The following B3GLCT variants were observed in gnomAD, a reference collection of about 807,000 sequenced individuals.
B3GLCT encodes beta-1,3-glucosyltransferase.
In B3GLCT, 65 loss-of-function variants were observed where a neutral mutation model predicts 63.4. The observed-to-expected ratio is 1.03, with a 90% CI of 0.84 to 1.26. The LOEUF is 1.26. Among genes scored for constraint, B3GLCT ranks in the 50% most tolerant of loss-of-function variants. The probability of loss-of-function intolerance (pLI) is 0.00; values close to 1 mark genes in which losing one functional copy is unlikely to be tolerated. For missense variants in B3GLCT, 577 were observed against 604.8 expected (o/e 0.95, Z 0.48); for synonymous variants, 233 against 219.2 (o/e 1.06, Z -0.55).
At chr13:31,317,753 T>C in intron 13 of B3GLCT, 68 bp downstream of exon 13, 1 of 1,599,344 alleles carries the variant, frequency 6.3e-7, no homozygotes, top group Non-Finnish European at 8.6e-7. Flanking sequence ...GAGAGGTAGG[T>C]CTCTGGCACT....
At chr13:31,294,897 T>G (rs1464033885) in intron 12 of B3GLCT, among the ~76,000 whole-genome samples, 2 of 152,176 alleles carry the variant, frequency 1.3e-5, no homozygotes, top group African/African-American at 2.4e-5. Context: ...TTCTGGTTTT[T>G]TTTTTGGAAT....
At chr13:31,211,249 G>C (rs1420795525) in intron 1 of B3GLCT, among the ~76,000 whole-genome samples, 1 of 152,074 alleles carries the variant, frequency 6.6e-6, no homozygotes, top group Non-Finnish European at 1.5e-5. Context: ...ACAAAAATTA[G>C]CTGGGCATGG....
At chr13:31,291,459 C>G (rs1873654359) in intron 12 of B3GLCT, among the ~76,000 whole-genome samples, 2 of 152,130 alleles carry the variant, frequency 1.3e-5, no homozygotes, top group South Asian at 4.2e-4. Flanking sequence ...CTATCCATGA[C>G]CATGGAATGT....
chr13:31,262,230 G>T (rs4943290), intron 7 of B3GLCT, among the ~76,000 whole-genome samples: 55,352 of 152,068 alleles, frequency 0.36, 10,789 homozygotes, highest in East Asian at 0.72. Context: ...TGTTTACTCA[G>T]ACTTTCCAGT....
In B3GLCT at chr13:31,284,637, A is replaced by G. The variant is rs370709974; in HGVS notation, c.851-11A>G. The stretch of plus-strand genomic sequence containing the variant: ...CTGTGCCAGTGATTGTCACCTCTGT[A>G]ATTTTTTCAGTACCTATTGTTAAGC... On this transcript the variant is annotated splice_polypyrimidine_tract_variant and intron_variant, in intron 10 of 14. Coordinates refer to ENST00000343307, the MANE Select transcript of B3GLCT (RefSeq NM_194318.4). The G allele has an allele frequency of 6.8e-7, 1 of 1,477,886 alleles. No individual in the cohort carries two copies. Among genetic ancestry groups the G allele is most frequent in the Non-Finnish European group, 9.5e-7 (1 of 1,055,940 alleles). 91.5% of individuals were successfully genotyped at this position (1,477,886 alleles called of 1,614,324 possible). A position where few individuals can be genotyped will look rare whatever the true frequency, so the allele number is the denominator to read the frequency against.
chr13:31,259,004 G>A (rs191190813), intron 6 of B3GLCT, among the ~76,000 whole-genome samples: 48 of 151,436 alleles, frequency 3.2e-4, no homozygotes, highest in Middle Eastern at 3.4e-3. Context: ...ATTTTTTACC[G>A]GACTTGCTTT....
At chr13:31,268,288 G>A (rs1490723748) in intron 7 of B3GLCT, among the ~76,000 whole-genome samples, 2 of 152,122 alleles carry the variant, frequency 1.3e-5, no homozygotes, top group African/African-American at 2.4e-5. Flanking sequence ...TTCCTCCCTC[G>A]TTAGCTTTGA....
intron 10 of B3GLCT, among the ~76,000 whole-genome samples, chr13:31,277,278 C>T (rs539413229): frequency 2.3e-4 from 35 of 152,040 alleles, no homozygotes; most frequent in South Asian, 4.2e-4. Context: ...GAAAAAGCCG[C>T]GGTACAAACA....
intron 4 of B3GLCT, among the ~76,000 whole-genome samples, chr13:31,229,566 CA>C (rs1870271572): frequency 6.6e-6 from 1 of 151,958 alleles, no homozygotes; most frequent in African/African-American, 2.4e-5. Context: ...GCCAACATGG[CA>C]AAACCCCATC....
chr13:31,252,808 CAG>C (rs1384870111), intron 6 of B3GLCT, among the ~76,000 whole-genome samples: 3 of 152,160 alleles, frequency 2.0e-5, no homozygotes, highest in Non-Finnish European at 4.4e-5. Flanking sequence ...ATCAACAAGA[CAG>C]AAAATTAACA....
intron 12 of B3GLCT, among the ~76,000 whole-genome samples, chr13:31,296,702 CA>C (rs552367992): frequency 0.056 from 1,068 of 19,022 alleles, 16 homozygotes; most frequent in Middle Eastern, 0.077. Context: ...AATTATGTAA[CA>C]TTTTTTTTTT....
chr13:31,274,697 C>G, intron 9 of B3GLCT, 69 bp downstream of exon 9: 1 of 1,572,008 alleles, frequency 6.4e-7, no homozygotes, highest in Non-Finnish European at 8.8e-7. Flanking sequence ...TAATGTCATC[C>G]TAGCACTTTA....
At chr13:31,228,998 G>A (rs1466004549) in intron 3 of B3GLCT, among the ~76,000 whole-genome samples, 187 bp from the exon 4 acceptor site, 1 of 152,142 alleles carries the variant, frequency 6.6e-6, no homozygotes, top group East Asian at 1.9e-4. Flanking sequence ...CTTCTAGGAA[G>A]GAAGCTTGGG....
At chr13:31,298,267 C>T (rs146484174) in intron 12 of B3GLCT, among the ~76,000 whole-genome samples, 283 of 152,296 alleles carry the variant, frequency 1.9e-3, no homozygotes, top group African/African-American at 6.4e-3. Context: ...TTCATAATAT[C>T]ACAGCCTACC....
intron 12 of B3GLCT, among the ~76,000 whole-genome samples, chr13:31,300,665 A>G (rs538723040): frequency 2.6e-5 from 4 of 152,280 alleles, no homozygotes; most frequent in African/African-American, 7.2e-5. Flanking sequence ...GTCATGAGTC[A>G]TGGGTCTGAG....
chr13:31,261,909 C>T (rs1479992744), intron 7 of B3GLCT, among the ~76,000 whole-genome samples: 2 of 152,158 alleles, frequency 1.3e-5, no homozygotes, highest in Non-Finnish European at 2.9e-5. Flanking sequence ...AGTGTGATAC[C>T]CTCCTTTCCA....
In B3GLCT at chr13:31,237,831, C is replaced by T. The variant is rs565831781; in HGVS notation, c.270+8537C>T. Among the ~76,000 whole-genome samples the T allele has an allele frequency of 2.0e-5, 3 of 152,244 alleles. No homozygotes were observed. In the East Asian group the frequency reaches 5.8e-4, roughly 29 times the overall value. ...TCAGCAGCTTGGTGTGGCAGGTATG[C>T]ACCGTGCCTGTAAGGGACGGGATGT... On this transcript the variant is annotated intron_variant, in intron 4 of 14. Transcript: ENST00000343307.
chr13:31,202,174 C>T (rs1868705721), intron 1 of B3GLCT, among the ~76,000 whole-genome samples: 1 of 152,162 alleles, frequency 6.6e-6, no homozygotes, highest in South Asian at 2.1e-4. Context: ...TAAGATTGGC[C>T]TGACTATATA....
rs770035350 is a variant in B3GLCT at position 31,329,508 on chromosome 13, C to T, written c.1337C>T (p.Pro446Leu). ...THSPLFHQARPVDYPKDYLSH... is the reference protein window; with the variant it reads ...THSPLFHQARLVDYPKDYLSH... ...TCTCTATTTTTCCTGCAGGCTCGGC[C>T]GGTGGATTACCCTAAGGACTACCTT... The change falls in exon 15 of 15, where the codon CCG (proline) becomes CTG (leucine). Residue 446 changes from proline (P) to leucine (L), a missense_variant. Physicochemically the swap from Pro to Leu is moderately conservative, Grantham distance 98. Coordinates refer to ENST00000343307, the MANE Select transcript of B3GLCT (RefSeq NM_194318.4). The T allele has an allele frequency of 8.1e-6, 13 of 1,614,024 alleles. No individual in the cohort carries two copies. The highest frequency in any genetic ancestry group is 3.3e-5 in the Admixed American group (2 of 59,994).
Sources: allele counts gnomAD v4.1 joint callset (sites outside exome capture counted in the v4.1 genomes callset), GRCh38; gene constraint gnomAD v4.1.1; transcripts MANE v1.5; gene names NCBI Gene and HGNC (gene_info 2026-07-23, HGNC 2026-07-21).